Variants in ABCC9 observed in about 807,000 individuals in gnomAD.
The protein encoded by ABCC9 is ATP-binding cassette sub-family C member 9.
A neutral mutation model predicts 188.3 loss-of-function variants in ABCC9; 95 were observed. The observed-to-expected ratio is 0.50, with a 90% CI of 0.43 to 0.60. The LOEUF (loss-of-function observed/expected upper bound fraction) is 0.60. ABCC9 is among the 20% of genes least tolerant of loss of function. The probability of loss-of-function intolerance (pLI) is 0.00; values close to 1 mark genes in which losing one functional copy is unlikely to be tolerated. For missense variants in ABCC9, 1,102 were observed against 1,876.3 expected (o/e 0.59, Z 7.62); for synonymous variants, 659 against 652.7 (o/e 1.01, Z -0.15).
chr12:21,915,769 G>A lies in ABCC9; in HGVS notation c.715C>T (p.His239Tyr), dbSNP rs1948578417. The A allele has an allele frequency of 6.2e-7, 1 of 1,612,894 alleles. No homozygotes were observed. Among genetic ancestry groups the A allele is most frequent in the Admixed American group, 1.7e-5 (1 of 59,890 alleles). The change falls in exon 7 of 40, where the codon CAC becomes TAC. Residue 239 changes from histidine to tyrosine, a missense_variant. Physicochemically the swap from His to Tyr is moderately conservative, Grantham distance 83 (BLOSUM62 2). Transcript: ENST00000261200. Reference protein sequence around the residue: ...WWMNTLIISAHKKPIDLKAIG... With the variant: ...WWMNTLIISAYKKPIDLKAIG... The stretch of plus-strand genomic sequence containing the variant: ...GCCTTCAGATCAATAGGCTTTTTGT[G>A]AGCAGATATAATAAGTGTGTTCATC...
Position 21,863,018 on chromosome 12 carries a change from C to T in ABCC9, c.2274G>A (p.Lys758=). The T allele has an allele frequency of 3.1e-6, 5 of 1,612,232 alleles. No homozygotes were observed. The highest frequency in any genetic ancestry group is 4.2e-6 in the Non-Finnish European group (5 of 1,179,154). ...CTACTGTAGCATTTAATAGCCAAGG[C>T]TTTTGAGCTGCATATGCCACAGAGT... is the stretch of plus-strand genomic sequence containing the variant. ...NRYSVAYAAQ[K]PWLLNATVEE... The change falls in exon 20 of 40, where the codon AAG becomes AAA. Residue 758 remains lysine, a synonymous_variant. Transcript: ENST00000261200.
chr12:21,821,853 A>G (rs530610990), intron 31 of ABCC9, among the ~76,000 whole-genome samples: 1 of 152,294 alleles, frequency 6.6e-6, no homozygotes, highest in African/African-American at 2.4e-5. Context: ...AAAAAGGAGA[A>G]GACTCATCAA....
At chr12:21,841,612 C>T (rs948286323) in intron 29 of ABCC9, among the ~76,000 whole-genome samples, 2 of 152,004 alleles carry the variant, frequency 1.3e-5, no homozygotes, top group Non-Finnish European at 2.9e-5. Flanking sequence ...CCGCCTCAGA[C>T]CCCCAAAGTG....
intron 22 of ABCC9, among the ~76,000 whole-genome samples, chr12:21,852,798 AAAAC>A (rs1353326886): frequency 6.6e-6 from 1 of 152,166 alleles, no homozygotes; most frequent in Non-Finnish European, 1.5e-5. Flanking sequence ...GGCCAGGAGA[AAAAC>A]AAACAATGAA....
At position 21,893,586 on chromosome 12, in the gene ABCC9, A is replaced by G. The variant is rs74067849; in HGVS notation, c.1802+446T>C. On this transcript the variant is annotated intron_variant, in intron 14 of 39. Transcript: ENST00000261200. ...TATTAGAACTAGTATCCCCACTTCT[A>G]GAAATCCAACCTGAGAAAATCATCA... is the stretch of plus-strand genomic sequence containing the variant. 4.2e-3 allele frequency among the ~76,000 whole-genome samples: 637 copies of G among 152,330 alleles called. 12 individuals carry two copies. The highest frequency in any genetic ancestry group is 0.015 in the African/African-American group (619 of 41,576).
At chr12:21,835,676 A>G (rs80334474) in intron 30 of ABCC9, among the ~76,000 whole-genome samples, 1 of 152,286 alleles carries the variant, frequency 6.6e-6, no homozygotes, top group African/African-American at 2.4e-5. Flanking sequence ...AAGTGCTGGT[A>G]GTCTGAAATT....
intron 5 of ABCC9, among the ~76,000 whole-genome samples, chr12:21,918,974 C>G (rs886991718): frequency 1.3e-5 from 2 of 151,926 alleles, no homozygotes; most frequent in African/African-American, 4.8e-5. Context: ...GAAGAAATCA[C>G]TAAAGAGGTC....
At position 21,798,278 on chromosome 12, in the gene ABCC9, A is replaced by G. The variant is rs1941251086; in HGVS notation, c.*2766T>C. 1 of 152,062 alleles carries G rather than the reference A, an allele frequency of 6.6e-6. No individual in the cohort carries two copies. Among genetic ancestry groups the G allele is most frequent in the Non-Finnish European group, 1.5e-5 (1 of 67,988 alleles). 9.4% of individuals were successfully genotyped at this position (152,062 alleles called of 1,614,324 possible). ...GGTTGAACTAGTTTACAGTCCCACCAACAGTGTAAAAGTGTTCCTATTTCT... is the reference window on the plus strand; with the variant it reads ...GGTTGAACTAGTTTACAGTCCCACCGACAGTGTAAAAGTGTTCCTATTTCT... On this transcript the variant is annotated 3_prime_UTR_variant, in exon 40 of 40. Transcript: ENST00000261200.
intron 39 of ABCC9, among the ~76,000 whole-genome samples, chr12:21,801,845 A>G (rs1486514204): frequency 1.3e-5 from 2 of 152,194 alleles, no homozygotes; most frequent in African/African-American, 4.8e-5. Context: ...GAATCATTAG[A>G]CCATTCCTCA....
Position 21,809,772 on chromosome 12 carries a change from ATTAT to A in ABCC9, c.4315+76_4315+79del, listed in dbSNP as rs1210289704. On this transcript the variant is annotated intron_variant, in intron 37 of 39. Coordinates refer to ENST00000261200, the MANE Select transcript of ABCC9 (RefSeq NM_020297.4). Reference sequence around the variant, plus strand: ...GGGGATTTAACACTAAAGTTATGTGATTATAGCATAAAACGTAGATAGACATATG... The same window carrying A: ...GGGGATTTAACACTAAAGTTATGTGAAGCATAAAACGTAGATAGACATATG... The A allele has an allele frequency of 1.8e-5, 15 of 834,642 alleles. No homozygotes were observed. The Admixed American group carries it at 1.8e-4, about 10-fold the overall frequency. The allele number at this position is 834,642 out of a possible 1,614,324, so 51.7% of individuals were successfully genotyped here. A position where few individuals can be genotyped will look rare whatever the true frequency, so the allele number is the denominator to read the frequency against.
intron 25 of ABCC9, 79 bp from the exon 26 acceptor site, chr12:21,845,911 TAAACATTCATACATTTATAAA>T (rs1944641497): frequency 9.9e-7 from 1 of 1,010,326 alleles, no homozygotes; most frequent in South Asian, 1.4e-5. Flanking sequence ...AAATAGTATA[TAAACATTCATACATTTATAAA>T]AATGTAAGCA....
At chr12:21,879,755 T>C (rs1484573981) in intron 16 of ABCC9, among the ~76,000 whole-genome samples, 1 of 151,988 alleles carries the variant, frequency 6.6e-6, no homozygotes, top group Admixed American at 6.6e-5. Flanking sequence ...GTTAGGAAAT[T>C]CCAAGTCCAA....
chr12:21,915,514 A>ATATTTTTTTTTTTTTT lies in ABCC9; in HGVS notation c.816+153_816+154insAAAAAAAAAAAAAATA. Among the ~76,000 whole-genome samples the ATATTTTTTTTTTTTTT allele has an allele frequency of 4.5e-3, 16 of 3,520 alleles. 1 individual carries two copies. Among genetic ancestry groups the ATATTTTTTTTTTTTTT allele is most frequent in the East Asian group, 0.021 (1 of 48 alleles). 2.3% of individuals were successfully genotyped at this position (3,520 alleles called of 152,430 possible). The stretch of plus-strand genomic sequence containing the variant: ...TGTGTGTGTGTGTATATATATATAT[A>ATATTTTTTTTTTTTTT]TTTTTTTTTTTTTTTTGAGACAGAG... On this transcript the variant is annotated intron_variant, in intron 7 of 39. Transcript: ENST00000261200.
chr12:21,865,013 T>C (rs1945711010), intron 18 of ABCC9, among the ~76,000 whole-genome samples: 1 of 152,104 alleles, frequency 6.6e-6, no homozygotes, highest in South Asian at 2.1e-4. Context: ...TACATCTAAG[T>C]AGAATCAATT....
rs537576583 is a variant in ABCC9 at position 21,815,595 on chromosome 12, G to A, written c.4023+168C>T. Among the ~76,000 whole-genome samples the A allele has an allele frequency of 4.6e-5, 7 of 152,254 alleles. No individual in the cohort carries two copies. In the East Asian group the frequency reaches 1.2e-3, roughly 25 times the overall value. ...CAATATGACTTGGAGAACATGTACT[G>A]TAGTCTGATCCTATCTCTCCCTTTT... On this transcript the variant is annotated intron_variant, in intron 34 of 39. Coordinates refer to ENST00000261200, the MANE Select transcript of ABCC9 (RefSeq NM_020297.4).
At chr12:21,904,326 T>C (rs907901323) in intron 12 of ABCC9, among the ~76,000 whole-genome samples, 2 of 152,106 alleles carry the variant, frequency 1.3e-5, no homozygotes, top group African/African-American at 4.8e-5. Flanking sequence ...ATAAAAACCC[T>C]AGAAGAAAAC....
chr12:21,938,933 A>G (rs1949595884), intron 2 of ABCC9, among the ~76,000 whole-genome samples: 2 of 152,244 alleles, frequency 1.3e-5, no homozygotes, highest in African/African-American at 2.4e-5. Context: ...ATTCTATGCC[A>G]TTAACTAATG....
intron 12 of ABCC9, among the ~76,000 whole-genome samples, chr12:21,905,096 C>G (rs967640693): frequency 6.6e-6 from 1 of 152,050 alleles, no homozygotes; most frequent in Non-Finnish European, 1.5e-5. Context: ...TACTATGCAG[C>G]CATAAAAAAG....
Position 21,882,867 on chromosome 12 carries a change from T to C in ABCC9, c.1918A>G (p.Lys640Glu), listed in dbSNP as rs1242062837. The change falls in exon 16 of 40, where the codon AAA becomes GAA. Residue 640 changes from lysine to glutamate, a missense_variant. Transcript: ENST00000261200. ...SCKKHTGVQPKTINRKQPGRY... is the reference protein window; with the variant it reads ...SCKKHTGVQPETINRKQPGRY... ...CCAGGCTGTTTCCTGTTTATAGTTT[T>C]TGGCTGCTGCATTCCAAATGGAAAA... The C allele has an allele frequency of 6.2e-7, 1 of 1,613,504 alleles. No individual in the cohort carries two copies. Among genetic ancestry groups the C allele is most frequent in the Admixed American group, 1.7e-5 (1 of 60,004 alleles).
Sources: gnomAD v4.1 joint callset for allele counts (sites outside exome capture counted in the v4.1 genomes callset) on GRCh38, gnomAD v4.1.1 for gene constraint, MANE v1.5 for transcripts, NCBI Gene and HGNC (gene_info 2026-07-23, HGNC 2026-07-21) for gene names.